The following PGAP6 variants were observed in gnomAD, a reference collection of about 807,000 sequenced individuals.
PGAP6 encodes post-GPI attachment to proteins factor 6.
In PGAP6, 62 loss-of-function variants were observed where a neutral mutation model predicts 68.4. The observed-to-expected ratio is 0.91, with a 90% CI of 0.74 to 1.12. The LOEUF (loss-of-function observed/expected upper bound fraction) is 1.12, where lower values mean the gene tolerates loss of function less well. Among genes scored for constraint, PGAP6 ranks in the 50% most tolerant of loss-of-function variants. The pLI is 0.00. For missense variants in PGAP6, 1,188 were observed against 1,068.5 expected (o/e 1.11, Z -1.56); for synonymous variants, 575 against 474.0 (o/e 1.21, Z -2.77).
chr16:372,515 CT>C lies in PGAP6; in HGVS notation c.2019+95del, dbSNP rs757063487. ...AACCCCCAGCAGATATGGGCATTCA[CT>C]GGTTGGAGCAGGACCAGGAACGTGG... is the stretch of plus-strand genomic sequence containing the variant. On this transcript the variant is annotated intron_variant, in intron 12 of 12. Coordinates refer to ENST00000431232, the MANE Select transcript of PGAP6 (RefSeq NM_021259.3). The C allele has an allele frequency of 1.7e-4, 181 of 1,084,876 alleles. 1 individual carries two copies. Among genetic ancestry groups the C allele is most frequent in the Middle Eastern group, 2.0e-4 (1 of 5,030 alleles). 67.2% of individuals were successfully genotyped at this position (1,084,876 alleles called of 1,614,324 possible). A position where few individuals can be genotyped will look rare whatever the true frequency, so the allele number is the denominator to read the frequency against.
intron 11 of PGAP6, among the ~76,000 whole-genome samples, chr16:373,601 G>C (rs1788022629): frequency 6.6e-6 from 1 of 152,244 alleles, no homozygotes; most frequent in African/African-American, 2.4e-5. Flanking sequence ...GCAGTGCTGT[G>C]ACCTCGGCTC....
intron 9 of PGAP6, 103 bp from the exon 10 acceptor site, chr16:374,502 G>A: frequency 7.5e-7 from 1 of 1,325,990 alleles, no homozygotes; most frequent in South Asian, 1.5e-5. Flanking sequence ...TCACCCAGGA[G>A]CAAGCAGGGT....
chr16:375,688 C>T (rs577008674), intron 6 of PGAP6, among the ~76,000 whole-genome samples: 4 of 152,300 alleles, frequency 2.6e-5, no homozygotes, highest in South Asian at 2.1e-4. Context: ...CCCGCCACCA[C>T]GCCCGGCTAA....
chr16:377,855 G>A lies in PGAP6; in HGVS notation c.122-7C>T. On this transcript the variant is annotated splice_region_variant and splice_polypyrimidine_tract_variant and intron_variant, in intron 1 of 12. Coordinates refer to ENST00000431232, the MANE Select transcript of PGAP6 (RefSeq NM_021259.3). ...TCGGACACCAGCCCCACCTCTGTGA[G>A]GAGAAGGAGGTGTCAGCCAGGCCGG... The A allele has an allele frequency of 1.9e-6, 3 of 1,550,202 alleles. No individual in the cohort carries two copies. The highest frequency in any genetic ancestry group is 1.7e-6 in the Non-Finnish European group (2 of 1,146,792).
rs1288244600 is a variant in PGAP6 at position 372,606 on chromosome 16, C to A, written c.2019+5G>T. 6.2e-7 allele frequency: 1 copy of A among 1,608,750 alleles called. No homozygotes were observed. Among genetic ancestry groups the A allele is most frequent in the East Asian group, 2.2e-5 (1 of 44,864 alleles). ...GCAGCAGTGCCAGCCAGCCCGGCTC[C>A]TTACCCACATGGAGGCCATGATCAC... On this transcript the variant is annotated splice_donor_5th_base_variant and intron_variant, in intron 12 of 12. Coordinates refer to ENST00000431232, the MANE Select transcript of PGAP6 (RefSeq NM_021259.3).
intron 1 of PGAP6, among the ~76,000 whole-genome samples, chr16:378,440 GCACTGCCATCGCCACCCA>G (rs2054410750): frequency 5.2e-5 from 3 of 57,438 alleles, no homozygotes; most frequent in African/African-American, 2.4e-4. Context: ...ATCCCCACCC[GCACTGCCATCGCCACCCA>G]CACTGCCATC....
intron 1 of PGAP6, among the ~76,000 whole-genome samples, chr16:378,225 G>GACTGCCATCGCCACCCAC (rs1567325695): frequency 0.027 from 366 of 13,742 alleles, 25 homozygotes; most frequent in Non-Finnish European, 0.049. Flanking sequence ...TCGCCACCCT[G>GACTGCCATCGCCACCCAC]ACTGCCATCG....
intron 4 of PGAP6, 48 bp downstream of exon 4, chr16:376,989 G>A (rs1342940163): frequency 1.2e-6 from 2 of 1,607,668 alleles, no homozygotes; most frequent in East Asian, 2.2e-5. Context: ...CCGAATCTGA[G>A]AAGGGGCCGG....
chr16:377,369 C>A lies in PGAP6; in HGVS notation c.507+9G>T. ...CTCTGCCTCCATCCCGGAGGGCAGC[C>A]CCCCTCACCTTCAACTCGATCTTCT... is the stretch of plus-strand genomic sequence containing the variant. On this transcript the variant is annotated intron_variant, in intron 3 of 12. Coordinates refer to ENST00000431232, the MANE Select transcript of PGAP6 (RefSeq NM_021259.3). 6.3e-7 allele frequency: 1 copy of A among 1,580,458 alleles called. No homozygotes were observed. The highest frequency in any genetic ancestry group is 8.6e-7 in the Non-Finnish European group (1 of 1,161,014).
upstream of PGAP6, chr16:386,702 C>T (rs1479749248): frequency 2.4e-6 from 1 of 411,686 alleles, no homozygotes; most frequent in Non-Finnish European, 4.5e-6. Flanking sequence ...TGGTGAAACC[C>T]AGTCTCTACA....
upstream of PGAP6, chr16:382,146 G>T (rs1420285626): frequency 2.6e-6 from 1 of 383,028 alleles, no homozygotes; most frequent in Non-Finnish European, 4.6e-6. Context: ...CGCGCGGTCC[G>T]GGGGGACGCT....
upstream of PGAP6, among the ~76,000 whole-genome samples, chr16:386,069 G>C (rs896857125): frequency 1.3e-5 from 2 of 152,122 alleles, no homozygotes; most frequent in African/African-American, 4.8e-5. Context: ...CCCCTCCCCA[G>C]GTCCCCCTCT....
intron 11 of PGAP6, among the ~76,000 whole-genome samples, 173 bp downstream of exon 11, chr16:373,832 C>T (rs1024958611): frequency 6.1e-5 from 9 of 147,008 alleles, no homozygotes; most frequent in Non-Finnish European, 1.0e-4. Context: ...TGTGAGCCAC[C>T]ATGCTCGGCC....
intron 4 of PGAP6, 27 bp from the exon 5 acceptor site, chr16:376,839 A>C: frequency 1.9e-6 from 3 of 1,599,556 alleles, no homozygotes; most frequent in Non-Finnish European, 2.5e-6. Flanking sequence ...CAGCTGGCTC[A>C]GGCTCTGCCA....
At chr16:372,480 G>C in intron 12 of PGAP6, 131 bp downstream of exon 12, 1 of 968,628 alleles carries the variant, frequency 1.0e-6, no homozygotes, top group East Asian at 2.4e-5. Context: ...GCCTCTGTGG[G>C]TGCCATGGCA....
intron 11 of PGAP6, among the ~76,000 whole-genome samples, chr16:373,068 G>A (rs1169000006): frequency 6.6e-6 from 1 of 152,174 alleles, no homozygotes; most frequent in Non-Finnish European, 1.5e-5. Flanking sequence ...CCATCAGGGT[G>A]GCTTCAGTCT....
Position 374,236 on chromosome 16 carries a change from G to T in PGAP6, c.1740C>A (p.Thr580=). The T allele has an allele frequency of 1.2e-6, 2 of 1,609,390 alleles. No individual in the cohort carries two copies. Among genetic ancestry groups the T allele is most frequent in the Non-Finnish European group, 1.7e-6 (2 of 1,179,480 alleles). ...GCCAGCCTACCGTGGAGAAGAACATGGTGTAGGCGTAGACGGAGGCCTCCA... is the reference window on the plus strand; with the variant it reads ...GCCAGCCTACCGTGGAGAAGAACATTGTGTAGGCGTAGACGGAGGCCTCCA... ...FLVEASVYAY[T]MFFSTFYHAC... The change falls in exon 10 of 13, where the codon ACC becomes ACA. Residue 580 remains threonine (T), a synonymous_variant. Coordinates refer to ENST00000431232, the MANE Select transcript of PGAP6 (RefSeq NM_021259.3).
upstream of PGAP6, among the ~76,000 whole-genome samples, chr16:385,662 T>C (rs372461435): frequency 2.4e-5 from 3 of 123,638 alleles, no homozygotes; most frequent in Non-Finnish European, 5.0e-5. Context: ...TCTCGCTCTG[T>C]CGCCCAGGCT....
upstream of PGAP6, among the ~76,000 whole-genome samples, chr16:385,507 T>C (rs1437558391): frequency 2.0e-5 from 3 of 150,476 alleles, no homozygotes; most frequent in African/African-American, 7.3e-5. Flanking sequence ...GAGATGGGAT[T>C]TCACCCTGTT....
Sources: gnomAD v4.1 joint callset for allele counts (sites outside exome capture counted in the v4.1 genomes callset) on GRCh38, gnomAD v4.1.1 for gene constraint, MANE v1.5 for transcripts, NCBI Gene and HGNC (gene_info 2026-07-23, HGNC 2026-07-21) for gene names.